Variants in DNAH11 observed in about 807,000 individuals in gnomAD.
DNAH11 encodes the protein axonemal beta dynein heavy chain 11.
Under a neutral mutation model 526.0 loss-of-function variants are expected in DNAH11, and 442 were observed. The ratio of observed to expected loss-of-function variants is 0.84; its 90% CI spans 0.78 to 0.91. DNAH11 has a LOEUF of 0.91. DNAH11 is among the 40% of genes least tolerant of loss of function. The probability of loss-of-function intolerance (pLI) is 0.00; values close to 1 mark genes in which losing one functional copy is unlikely to be tolerated. For missense variants in DNAH11, 6,989 were observed against 5,448.7 expected (o/e 1.28, Z -8.90); for synonymous variants, 2,461 against 1,935.9 (o/e 1.27, Z -7.12).
intron 3 of DNAH11, 99 bp downstream of exon 3, chr7:21,559,097 G>A (rs1783338471): frequency 9.7e-7 from 1 of 1,031,554 alleles, no homozygotes; most frequent in African/African-American, 1.6e-5. Context: ...GCTGAGGTGG[G>A]AGGGTTGCTT....
Position 21,744,862 on chromosome 7 carries a change from T to C in DNAH11, c.8317-8T>C. The C allele has an allele frequency of 6.2e-7, 1 of 1,601,996 alleles. No homozygotes were observed. On this transcript the variant is annotated splice_polypyrimidine_tract_variant and splice_region_variant and intron_variant, in intron 50 of 81. Transcript: ENST00000409508. The stretch of plus-strand genomic sequence containing the variant: ...ACATGCCATATTTTTCTCTTTCTCA[T>C]CCTGCAGGGTATAGATAGTCACATG...
At chr7:21,562,829 A>G (rs1457268703) in intron 5 of DNAH11, among the ~76,000 whole-genome samples, 3 of 152,296 alleles carry the variant, frequency 2.0e-5, no homozygotes, top group East Asian at 3.9e-4. Context: ...TCAGGGCTTT[A>G]TTGTTACATA....
chr7:21,756,374 A>G (rs1786641312), intron 54 of DNAH11, among the ~76,000 whole-genome samples: 1 of 152,024 alleles, frequency 6.6e-6, no homozygotes. Context: ...ATGTCCCATT[A>G]ATTTGTTCCT....
intron 28 of DNAH11, among the ~76,000 whole-genome samples, chr7:21,655,133 T>C (rs1665284277): frequency 1.3e-5 from 2 of 151,430 alleles, no homozygotes; most frequent in African/African-American, 4.9e-5. Flanking sequence ...TGGTTTTGTA[T>C]TGGAGAACGC....
rs201274859 is a variant in DNAH11, at chr7:21,845,066, AT to A, written c.10896+2328del. Among the ~76,000 whole-genome samples, 303 of 149,642 alleles carry A rather than the reference AT, an allele frequency of 2.0e-3. 4 individuals are homozygous for A. In the East Asian group the frequency reaches 0.042, roughly 21 times the overall value. ...CCACCAGACCATATAAGAAAATAGT[AT>A]TTTTTTTTTATGTTAGCATAAAAAA... On this transcript the variant is annotated intron_variant, in intron 66 of 81. Coordinates refer to ENST00000409508, the MANE Select transcript of DNAH11 (RefSeq NM_001277115.2).
At chr7:21,680,999 G>A (rs568645905) in intron 30 of DNAH11, among the ~76,000 whole-genome samples, 7 of 152,198 alleles carry the variant, frequency 4.6e-5, no homozygotes, top group Non-Finnish European at 8.8e-5. Flanking sequence ...GTCCAGTGCA[G>A]CCGGGAAACC....
intron 14 of DNAH11, among the ~76,000 whole-genome samples, chr7:21,596,906 C>G (rs1217107924): frequency 6.6e-6 from 1 of 152,166 alleles, no homozygotes; most frequent in East Asian, 1.9e-4. Context: ...TAAGTTGGGT[C>G]TTTTAAGTGA....
intron 25 of DNAH11, among the ~76,000 whole-genome samples, chr7:21,628,603 C>T (rs921270897): frequency 6.6e-6 from 1 of 152,108 alleles, no homozygotes; most frequent in Non-Finnish European, 1.5e-5. Context: ...TGTTGACTCA[C>T]ATAAGTTAAA....
intron 27 of DNAH11, among the ~76,000 whole-genome samples, chr7:21,638,737 T>A (rs1786984207): frequency 6.7e-6 from 1 of 150,082 alleles, no homozygotes; most frequent in Admixed American, 6.7e-5. Context: ...TGTGTGTATT[T>A]GGCATAGTAC....
chr7:21,601,538 T>C lies in DNAH11; in HGVS notation c.3568T>C (p.Phe1190Leu), dbSNP rs1261021735. Residue 1190 changes from phenylalanine to leucine, a missense_variant, in exon 18 of 82, where the codon TTT becomes CTT. By Grantham distance (22) the Phe-to-Leu change is conservative (BLOSUM62 0). Coordinates refer to ENST00000409508, the MANE Select transcript of DNAH11 (RefSeq NM_001277115.2). ...RSRQRATDEL[F>L]EPLKETITLL... ...CCGACAGAGAGCTACTGATGAACTC[T>C]TTGAACCTCTAAAAGAAACGATCAC... 4 of 1,613,204 alleles carry C rather than the reference T, an allele frequency of 2.5e-6. No individual in the cohort carries two copies. Among genetic ancestry groups the C allele is most frequent in the Admixed American group, 1.7e-5 (1 of 59,936 alleles).
chr7:21,731,584 A>C (rs888084109), intron 45 of DNAH11, among the ~76,000 whole-genome samples: 1 of 152,212 alleles, frequency 6.6e-6, no homozygotes, highest in Admixed American at 6.5e-5. Flanking sequence ...TAAATTTACA[A>C]ATAAAAGTTC....
chr7:21,696,407 A>G (rs188615598), intron 35 of DNAH11, among the ~76,000 whole-genome samples: 3 of 152,196 alleles, frequency 2.0e-5, no homozygotes, highest in African/African-American at 7.2e-5. Context: ...CTTGTATTGA[A>G]TGTTTTTCTT....
At chr7:21,790,887 A>C (rs1562548097) in intron 61 of DNAH11, among the ~76,000 whole-genome samples, 1 of 152,244 alleles carries the variant, frequency 6.6e-6, no homozygotes, top group Non-Finnish European at 1.5e-5. Flanking sequence ...TTTAAATTTT[A>C]TCCGATTGGT....
At chr7:21,604,092 T>G (rs1362734411) in intron 18 of DNAH11, among the ~76,000 whole-genome samples, 1 of 152,186 alleles carries the variant, frequency 6.6e-6, no homozygotes, top group Non-Finnish European at 1.5e-5. Flanking sequence ...TTACTTTCAG[T>G]TTCTCCTTTG....
At chr7:21,613,377 G>A (rs991274979) in intron 20 of DNAH11, among the ~76,000 whole-genome samples, 1 of 152,132 alleles carries the variant, frequency 6.6e-6, no homozygotes, top group Admixed American at 6.5e-5. Context: ...TTAAGAAAAG[G>A]CATTAAAAAT....
rs190267176 is a variant in DNAH11, at chr7:21,869,243, G to A, written c.11967+252G>A. 6.6e-5 allele frequency among the ~76,000 whole-genome samples: 10 copies of A among 152,286 alleles called. No homozygotes were observed. In the East Asian group the frequency reaches 1.4e-3, roughly 21 times the overall value. ...TAAAACTATTAGGAAGAACTTCGTC[G>A]TTCCCCTCACTTAGAGATATCTGGA... is the stretch of plus-strand genomic sequence containing the variant. On this transcript the variant is annotated intron_variant, in intron 73 of 81. Transcript: ENST00000409508.
Position 21,734,071 on chromosome 7 carries a change from G to A in DNAH11, c.7441-1569G>A, listed in dbSNP as rs78604762. 6.5e-3 allele frequency among the ~76,000 whole-genome samples: 991 copies of A among 152,262 alleles called. 8 individuals are homozygous for A. Among genetic ancestry groups the A allele is most frequent in the African/African-American group, 0.023 (952 of 41,548 alleles). ...CCCAGGCAGCCTGGCTCCAGAGTCC[G>A]TGCTCTGAAGAGCATTCTATGTGTA... is the stretch of plus-strand genomic sequence containing the variant. On this transcript the variant is annotated intron_variant, in intron 45 of 81. Transcript: ENST00000409508.
intron 30 of DNAH11, among the ~76,000 whole-genome samples, chr7:21,678,080 G>T (rs1206004168): frequency 6.6e-6 from 1 of 150,514 alleles, no homozygotes; most frequent in African/African-American, 2.4e-5. Context: ...GTTTGATATA[G>T]TTCACTTGTT....
At chr7:21,866,396 C>A in intron 70 of DNAH11, 74 bp from the exon 71 acceptor site, 6 of 1,372,358 alleles carry the variant, frequency 4.4e-6, no homozygotes, top group Non-Finnish European at 5.0e-6. Context: ...AGATTAGATA[C>A]ATTCACAAGT....
Sources: gnomAD v4.1 joint callset for allele counts (sites outside exome capture counted in the v4.1 genomes callset) on GRCh38, gnomAD v4.1.1 for gene constraint, MANE v1.5 for transcripts, NCBI Gene and HGNC (gene_info 2026-07-23, HGNC 2026-07-21) for gene names.